KIAA2012: variants seen among roughly 807,000 people sequenced by gnomAD.
KIAA2012 encodes KIAA2012, also known as uncharacterized protein KIAA2012.
KIAA2012 carries 125 observed loss-of-function variants against 150.6 expected under a neutral mutation model. That is an observed-to-expected ratio of 0.83 (90% CI 0.72 to 0.96). The LOEUF (loss-of-function observed/expected upper bound fraction) is 0.96. KIAA2012 is among the 40% of genes least tolerant of loss of function. The probability of loss-of-function intolerance (pLI) is 0.00; values close to 1 mark genes in which losing one functional copy is unlikely to be tolerated. For synonymous variants in KIAA2012, 462 were observed against 504.7 expected, an observed-to-expected ratio of 0.92 and a Z score of 1.13; for missense variants, 1,219 against 1,354.9, an observed-to-expected ratio of 0.90 and a Z score of 1.57.
chr2:202,154,078 C>T (rs897877568), intron 13 of KIAA2012, among the ~76,000 whole-genome samples: 2 of 152,220 alleles, frequency 1.3e-5, no homozygotes, highest in Non-Finnish European at 2.9e-5. Context: ...GGAGAGCCCC[C>T]GGGGCCTCCC....
At chr2:202,150,061 A>G (rs914075436) in intron 13 of KIAA2012, among the ~76,000 whole-genome samples, 29 of 152,234 alleles carry the variant, frequency 1.9e-4, no homozygotes, top group African/African-American at 6.3e-4. Flanking sequence ...TGATAGCTCA[A>G]CTGAATCACA....
rs2105905156 is a variant in KIAA2012 at position 202,073,545 on chromosome 2, T to C, written c.-83T>C. The C allele has an allele frequency of 8.2e-7, 1 of 1,217,400 alleles. No homozygotes were observed. The highest frequency in any genetic ancestry group is 1.2e-6 in the Non-Finnish European group (1 of 855,928). The allele number at this position is 1,217,400 out of a possible 1,614,324, so 75.4% of individuals were successfully genotyped here. A position where few individuals can be genotyped will look rare whatever the true frequency, so the allele number is the denominator to read the frequency against. On this transcript the variant is annotated 5_prime_UTR_variant, in exon 1 of 24. Transcript: ENST00000498697. ...TGGTCTTCTTGGGCTTGCTGTGAGCTCTGGAAATCTTGAGGTGTGACCAGA... is the reference window on the plus strand; with the variant it reads ...TGGTCTTCTTGGGCTTGCTGTGAGCCCTGGAAATCTTGAGGTGTGACCAGA...
chr2:202,203,879 T>C (rs961163380), intron 23 of KIAA2012, among the ~76,000 whole-genome samples: 2 of 151,874 alleles, frequency 1.3e-5, no homozygotes, highest in Admixed American at 6.6e-5. Context: ...ACGCCATTCT[T>C]CTGCCTCAGC....
intron 15 of KIAA2012, among the ~76,000 whole-genome samples, chr2:202,180,721 A>AC (rs1692101129): frequency 6.6e-6 from 1 of 152,160 alleles, no homozygotes; most frequent in South Asian, 2.1e-4. Context: ...GCTGCTCAGG[A>AC]GGCTGAGGGA....
chr2:202,113,450 A>C lies in KIAA2012; in HGVS notation c.1762+4A>C. The C allele has an allele frequency of 6.5e-7, 1 of 1,535,418 alleles. No individual in the cohort carries two copies. Among genetic ancestry groups the C allele is most frequent in the Non-Finnish European group, 8.8e-7 (1 of 1,139,342 alleles). The stretch of plus-strand genomic sequence containing the variant: ...GAGGCGCTTCCATCGGGTAAAGGTA[A>C]GCTAACACATTCCAGGGCAGCCTTG... On this transcript the variant is annotated splice_donor_region_variant and intron_variant, in intron 11 of 23. Transcript: ENST00000498697.
chr2:202,102,219 GA>G (rs1243769026), intron 7 of KIAA2012, among the ~76,000 whole-genome samples: 4 of 151,538 alleles, frequency 2.6e-5, no homozygotes, highest in Admixed American at 1.3e-4. Flanking sequence ...TTGGGGGACA[GA>G]AAAAAAACTG....
At chr2:202,081,756 A>C (rs1471482345) in intron 2 of KIAA2012, among the ~76,000 whole-genome samples, 1 of 152,136 alleles carries the variant, frequency 6.6e-6, no homozygotes, top group Non-Finnish European at 1.5e-5. Flanking sequence ...CATGTTGGTC[A>C]GGCTGGTCTC....
intron 22 of KIAA2012, among the ~76,000 whole-genome samples, chr2:202,198,410 G>C (rs1692451618): frequency 6.6e-6 from 1 of 152,172 alleles, no homozygotes; most frequent in African/African-American, 2.4e-5. Flanking sequence ...TGGATGGAAT[G>C]AAGTGGACAA....
intron 2 of KIAA2012, among the ~76,000 whole-genome samples, chr2:202,088,259 CT>C (rs1338294336): frequency 1.3e-5 from 2 of 152,136 alleles, no homozygotes; most frequent in Non-Finnish European, 2.9e-5. Context: ...AATTGGGACT[CT>C]TTTAGCAGAA....
chr2:202,197,563 A>T (rs1478319010), intron 22 of KIAA2012: 1 of 157,152 alleles, frequency 6.4e-6, no homozygotes, highest in Non-Finnish European at 1.4e-5. Flanking sequence ...GAAAAAATTT[A>T]ACGATGTGAT....
intron 15 of KIAA2012, among the ~76,000 whole-genome samples, chr2:202,176,908 A>C (rs1475500534): frequency 6.6e-6 from 1 of 152,230 alleles, no homozygotes; most frequent in Admixed American, 6.5e-5. Flanking sequence ...TAAATTGAAG[A>C]TGCATATATC....
chr2:202,077,892 G>A (rs1047822909), intron 2 of KIAA2012, among the ~76,000 whole-genome samples: 2 of 152,200 alleles, frequency 1.3e-5, no homozygotes, highest in Non-Finnish European at 1.5e-5. Flanking sequence ...AGTACCATCT[G>A]ACTATGAAAA....
At chr2:202,164,520 T>C (rs1207097434) in intron 14 of KIAA2012, among the ~76,000 whole-genome samples, 1 of 152,108 alleles carries the variant, frequency 6.6e-6, no homozygotes, top group African/African-American at 2.4e-5. Context: ...GAAGAAGGGA[T>C]CAAATGTGAT....
At chr2:202,165,223 T>C in intron 14 of KIAA2012, 61 bp from the exon 15 acceptor site, 1 of 1,439,956 alleles carries the variant, frequency 6.9e-7, no homozygotes, top group Non-Finnish European at 9.5e-7. Flanking sequence ...ATCACAGAAG[T>C]GTTTTAAGTG....
At chr2:202,090,662 C>G in intron 2 of KIAA2012, 108 bp from the exon 3 acceptor site, 1 of 1,312,586 alleles carries the variant, frequency 7.6e-7, no homozygotes, top group Middle Eastern at 1.9e-4. Context: ...CTTCTGGCAC[C>G]TTCTGGGAGT....
chr2:202,129,466 C>A (rs948375249), intron 12 of KIAA2012, among the ~76,000 whole-genome samples: 1 of 152,052 alleles, frequency 6.6e-6, no homozygotes, highest in Non-Finnish European at 1.5e-5. Context: ...GTGATCCACC[C>A]GCCTCGGCCT....
intron 23 of KIAA2012, 135 bp downstream of exon 23, chr2:202,202,722 G>C (rs1692553536): frequency 2.6e-6 from 1 of 386,358 alleles, no homozygotes; most frequent in African/African-American, 2.1e-5. Context: ...GAGGTCAGGA[G>C]TTTGAGACCA....
Position 202,132,775 on chromosome 2 carries a change from C to CT in KIAA2012, c.1832-5657_1832-5656insT, listed in dbSNP as rs1296314948. Among the ~76,000 whole-genome samples the CT allele has an allele frequency of 7.5e-3, 254 of 34,000 alleles. 11 individuals are homozygous for CT. Among genetic ancestry groups the CT allele is most frequent in the African/African-American group, 0.023 (183 of 8,082 alleles). The allele number at this position is 34,000 out of a possible 152,430, so 22.3% of individuals were successfully genotyped here. ...ATATATGTATATATATACATATATA[C>CT]ATATATATATGCGTATATATATATA... On this transcript the variant is annotated intron_variant, in intron 12 of 23. Coordinates refer to ENST00000498697, the MANE Select transcript of KIAA2012 (RefSeq NM_001277372.4).
At chr2:202,203,689 G>A (rs1043715880) in intron 23 of KIAA2012, among the ~76,000 whole-genome samples, 1 of 151,920 alleles carries the variant, frequency 6.6e-6, no homozygotes, top group Non-Finnish European at 1.5e-5. Context: ...TAAATCTTGA[G>A]TTTTAGCCCC....
Sources: gnomAD v4.1 joint callset for allele counts (sites outside exome capture counted in the v4.1 genomes callset) on GRCh38, gnomAD v4.1.1 for gene constraint, MANE v1.5 for transcripts, NCBI Gene and HGNC (gene_info 2026-07-23, HGNC 2026-07-21) for gene names.